RIMBP2: variants seen among roughly 807,000 people sequenced by gnomAD.
The protein encoded by RIMBP2 is RIMS-binding protein 2.
RIMBP2 carries 48 observed loss-of-function variants against 118.6 expected under a neutral mutation model. The observed-to-expected ratio is 0.40, with a 90% CI of 0.32 to 0.51. RIMBP2 has a LOEUF of 0.51. Among genes scored for constraint, RIMBP2 ranks in the 20% least tolerant of loss-of-function variants. The probability of loss-of-function intolerance (pLI) is 0.41; values close to 1 mark genes in which losing one functional copy is unlikely to be tolerated. For synonymous variants in RIMBP2, 762 were observed against 742.9 expected, an observed-to-expected ratio of 1.03 and a Z score of -0.42; for missense variants, 1,551 against 1,768.3, an observed-to-expected ratio of 0.88 and a Z score of 2.20.
At chr12:130,553,581 C>A (rs951529036) in intron 2 of RIMBP2, among the ~76,000 whole-genome samples, 1 of 151,930 alleles carries the variant, frequency 6.6e-6, no homozygotes, top group African/African-American at 2.4e-5. Flanking sequence ...CCGTCTCTAC[C>A]GAAAATACAA....
At chr12:130,675,175 G>A (rs2064395124) in intron 1 of RIMBP2, among the ~76,000 whole-genome samples, 1 of 152,220 alleles carries the variant, frequency 6.6e-6, no homozygotes, top group South Asian at 2.1e-4. Flanking sequence ...TTGAAGGAAG[G>A]GACGCAAGCC....
At position 130,500,671 on chromosome 12, in the gene RIMBP2, C is replaced by G. The variant is rs1421920903; in HGVS notation, c.-4+5977G>C. 2.0e-5 allele frequency among the ~76,000 whole-genome samples: 3 copies of G among 152,122 alleles called. No individual in the cohort carries two copies. In the East Asian group the frequency reaches 5.8e-4, roughly 29 times the overall value. On this transcript the variant is annotated intron_variant, in intron 4 of 22. Transcript: ENST00000690449. ...TTTCAGTTCAGACAGGCCCTGAATG[C>G]ACATTGGCACAGCTCCACAGCTGTA... is the stretch of plus-strand genomic sequence containing the variant.
At chr12:130,538,125 G>T (rs1161693749) in intron 2 of RIMBP2, among the ~76,000 whole-genome samples, 1 of 152,164 alleles carries the variant, frequency 6.6e-6, no homozygotes, top group African/African-American at 2.4e-5. Flanking sequence ...CAAGATGGCA[G>T]CTCGTGACTG....
chr12:130,533,730 A>G (rs2053721837), intron 2 of RIMBP2, among the ~76,000 whole-genome samples: 1 of 152,232 alleles, frequency 6.6e-6, no homozygotes, highest in African/African-American at 2.4e-5. Context: ...GTCCAGCCAT[A>G]AAAAGAATGA....
chr12:130,660,862 G>A (rs10773807), intron 1 of RIMBP2, among the ~76,000 whole-genome samples: 82,592 of 151,952 alleles, frequency 0.54, 23,062 homozygotes, highest in Non-Finnish European at 0.62. Flanking sequence ...CTGCATCATG[G>A]CCAGGCAGAC....
At chr12:130,456,447 C>G in intron 7 of RIMBP2, 49 bp downstream of exon 7, 1 of 1,494,208 alleles carries the variant, frequency 6.7e-7, no homozygotes, top group Non-Finnish European at 9.0e-7. Flanking sequence ...AGGCAGCCAA[C>G]GGCCATTCTC....
chr12:130,439,864 T>TGTGG (rs1241733445), intron 11 of RIMBP2, among the ~76,000 whole-genome samples: 3 of 140,652 alleles, frequency 2.1e-5, no homozygotes, highest in Non-Finnish European at 4.7e-5. Context: ...TGGGGGTGTC[T>TGTGG]GTGGGTGTGT....
Position 130,622,499 on chromosome 12 carries a change from A to G in RIMBP2, c.-217+5823T>C, listed in dbSNP as rs1005698271. 1.3e-5 allele frequency among the ~76,000 whole-genome samples: 2 copies of G among 151,912 alleles called. No individual in the cohort carries two copies. Among genetic ancestry groups the G allele is most frequent in the Non-Finnish European group, 2.9e-5 (2 of 67,978 alleles). On this transcript the variant is annotated intron_variant, in intron 2 of 22. Coordinates refer to ENST00000690449, the MANE Select transcript of RIMBP2 (RefSeq NM_001393629.1). The surrounding 1 kb of genome is among the most constrained non-coding windows in gnomAD (Gnocchi z 8.5). ...TTTTTCATATATTTATATATAATAT[A>G]TATTTGATAATAGAGATGGAGTCTC...
chr12:130,603,515 G>A (rs2059988746), intron 2 of RIMBP2, among the ~76,000 whole-genome samples: 1 of 152,186 alleles, frequency 6.6e-6, no homozygotes, highest in South Asian at 2.1e-4. Flanking sequence ...GCAGAATCAT[G>A]TGCCCAGTAT....
Position 130,428,778 on chromosome 12 carries a change from G to A in RIMBP2, c.2254-441C>T, listed in dbSNP as rs112614964. On this transcript the variant is annotated intron_variant, in intron 14 of 22. Coordinates refer to ENST00000690449, the MANE Select transcript of RIMBP2 (RefSeq NM_001393629.1). Reference sequence around the variant, plus strand: ...GTGTCAGAGAGGCAGGGGGATAGTGGTAAGGTGAGGTGTATATGTACCATA... The same window carrying A: ...GTGTCAGAGAGGCAGGGGGATAGTGATAAGGTGAGGTGTATATGTACCATA... 629 of 155,346 alleles carry A rather than the reference G, an allele frequency of 4.0e-3. 2 individuals are homozygous for A. The highest frequency in any genetic ancestry group is 6.7e-3 in the Non-Finnish European group (471 of 70,278). The allele number at this position is 155,346 out of a possible 1,614,324, so 9.6% of individuals were successfully genotyped here.
chr12:130,453,445 G>C (rs145759827), intron 7 of RIMBP2, among the ~76,000 whole-genome samples: 1 of 152,210 alleles, frequency 6.6e-6, no homozygotes, highest in African/African-American at 2.4e-5. Flanking sequence ...GAAGATCTGC[G>C]GCAGATGAAC....
Position 130,473,759 on chromosome 12 carries a change from G to A in RIMBP2, c.103-3016C>T, listed in dbSNP as rs115196597. On this transcript the variant is annotated intron_variant, in intron 5 of 22. Coordinates refer to ENST00000690449, the MANE Select transcript of RIMBP2 (RefSeq NM_001393629.1). ...AGCACACAGGATTAGGGCAGACACT[G>A]CCTGAAACTAACACAGAGGGTCAGC... is the stretch of plus-strand genomic sequence containing the variant. Among the ~76,000 whole-genome samples, 296 of 152,320 alleles carry A rather than the reference G, an allele frequency of 1.9e-3. 1 individual carries two copies. The highest frequency in any genetic ancestry group is 6.7e-3 in the African/African-American group (278 of 41,578).
chr12:130,473,127 C>T (rs2081143579), intron 5 of RIMBP2, among the ~76,000 whole-genome samples: 1 of 152,234 alleles, frequency 6.6e-6, no homozygotes, highest in African/African-American at 2.4e-5. Flanking sequence ...GGCAGTACAA[C>T]TTCGCTTCCA....
chr12:130,480,198 TACACACACACACACACACACAC>T (rs10580090), intron 4 of RIMBP2, among the ~76,000 whole-genome samples: 25 of 128,180 alleles, frequency 2.0e-4, no homozygotes, highest in Middle Eastern at 3.7e-3. Flanking sequence ...TTTCCTTTCA[TACACACACACACACACACACAC>T]ACACACACAC....
In RIMBP2 at chr12:130,422,620, C is replaced by T; in HGVS notation, c.3130-59G>A. 1.8e-5 allele frequency: 22 copies of T among 1,237,604 alleles called. No individual in the cohort carries two copies. The highest frequency in any genetic ancestry group is 2.3e-5 in the Non-Finnish European group (20 of 867,340). 76.7% of individuals were successfully genotyped at this position (1,237,604 alleles called of 1,614,324 possible). A position where few individuals can be genotyped will look rare whatever the true frequency, so the allele number is the denominator to read the frequency against. On this transcript the variant is annotated intron_variant, in intron 16 of 22. Coordinates refer to ENST00000690449, the MANE Select transcript of RIMBP2 (RefSeq NM_001393629.1). The surrounding 1 kb of genome is among the most constrained non-coding windows in gnomAD (Gnocchi z 5.2). ...CGCCAGCATTGGGAACTGAAGAATT[C>T]AGTTAGCCAAATCAAGCGGGTTGAA...
chr12:130,450,173 C>T lies in RIMBP2; in HGVS notation c.581+27G>A, dbSNP rs375796790. On this transcript the variant is annotated intron_variant, in intron 9 of 22. Coordinates refer to ENST00000690449, the MANE Select transcript of RIMBP2 (RefSeq NM_001393629.1). The surrounding 1 kb of genome is among the most constrained non-coding windows in gnomAD (Gnocchi z 4.8). ...CTCATCTGCCCCACTCACAGGGGCT[C>T]GGTGGACGCCGAGGGGCCGCACTTA... 5.4e-5 allele frequency: 83 copies of T among 1,527,640 alleles called. No individual in the cohort carries two copies. Among genetic ancestry groups the T allele is most frequent in the Admixed American group, 2.3e-4 (13 of 57,550 alleles). 94.6% of individuals were successfully genotyped at this position (1,527,640 alleles called of 1,614,324 possible). A position where few individuals can be genotyped will look rare whatever the true frequency, so the allele number is the denominator to read the frequency against.
Position 130,580,907 on chromosome 12 carries a change from C to T in RIMBP2, c.-217+47415G>A, listed in dbSNP as rs373765385. 1.5e-4 allele frequency among the ~76,000 whole-genome samples: 22 copies of T among 150,946 alleles called. No homozygotes were observed. The East Asian group carries it at 2.9e-3, about 20-fold the overall frequency. ...GTGAGCCGAGAAACAGCCCGGGAGA[C>T]AGAGTGAGACCCAGCAATGGTGTGT... is the stretch of plus-strand genomic sequence containing the variant. On this transcript the variant is annotated intron_variant, in intron 2 of 22. Coordinates refer to ENST00000690449, the MANE Select transcript of RIMBP2 (RefSeq NM_001393629.1).
rs527492971 is a variant in RIMBP2 at position 130,649,524 on chromosome 12, T to C, written c.-351-21068A>G. Among the ~76,000 whole-genome samples the C allele has an allele frequency of 1.6e-3, 248 of 152,264 alleles. 2 individuals carry two copies. The highest frequency in any genetic ancestry group is 3.6e-3 in the Admixed American group (55 of 15,296). On this transcript the variant is annotated intron_variant, in intron 1 of 22. Transcript: ENST00000690449. Reference sequence around the variant, plus strand: ...GCTGCTGGGAAATGTGCCCCTCCGCTGAGAAGTGGCTTCCCACAGCCGTTC... The same window carrying C: ...GCTGCTGGGAAATGTGCCCCTCCGCCGAGAAGTGGCTTCCCACAGCCGTTC...
rs140290864 is a variant in RIMBP2 at position 130,500,965 on chromosome 12, G to A, written c.-4+5683C>T. Among the ~76,000 whole-genome samples, 1,172 of 152,258 alleles carry A rather than the reference G, an allele frequency of 7.7e-3. 12 individuals are homozygous for A. Among genetic ancestry groups the A allele is most frequent in the Middle Eastern group, 0.01 (3 of 294 alleles). ...TTGAGGATCAGCAGGGAGGTCCGTA[G>A]AGTGGGAACCCGGAGCTCTCCCACC... On this transcript the variant is annotated intron_variant, in intron 4 of 22. Coordinates refer to ENST00000690449, the MANE Select transcript of RIMBP2 (RefSeq NM_001393629.1).
Sources: allele counts gnomAD v4.1 joint callset (sites outside exome capture counted in the v4.1 genomes callset), GRCh38; gene constraint gnomAD v4.1.1; non-coding constraint Gnocchi (gnomAD v3.1); transcripts MANE v1.5; gene names NCBI Gene and HGNC (gene_info 2026-07-23, HGNC 2026-07-21).